The following DPP6 variants were observed in gnomAD, a reference collection of about 807,000 sequenced individuals.
DPP6 encodes the protein A-type potassium channel modulatory protein DPP6.
In DPP6, 69 loss-of-function variants were observed where a neutral mutation model predicts 122.6. That is an observed-to-expected ratio of 0.56 (90% CI 0.46 to 0.69). The LOEUF is 0.69. Ranked by LOEUF, DPP6 falls within the 30% of genes least tolerant of loss-of-function variation. The pLI is 0.00. For synonymous variants in DPP6, 418 were observed against 433.1 expected, an observed-to-expected ratio of 0.97 and a Z score of 0.43; for missense variants, 928 against 1,116.9, an observed-to-expected ratio of 0.83 and a Z score of 2.41.
At chr7:154,246,059 C>T (rs1345556843) in intron 1 of DPP6, among the ~76,000 whole-genome samples, 1 of 151,958 alleles carries the variant, frequency 6.6e-6, no homozygotes, top group Non-Finnish European at 1.5e-5. Flanking sequence ...GTCCTTTAAC[C>T]ACAAGAAAAT....
In DPP6 at chr7:154,833,492, C is replaced by T. The variant is rs56347306; in HGVS notation, c.1667-20288C>T. 0.01 allele frequency among the ~76,000 whole-genome samples: 1,579 copies of T among 152,214 alleles called. 19 individuals are homozygous for T. The highest frequency in any genetic ancestry group is 0.011 in the Non-Finnish European group (763 of 68,008). The stretch of plus-strand genomic sequence containing the variant: ...AGTAGTACCAGCCTTGTACGGCTGA[C>T]GAAGTGTAAATTATTTATTATCTGA... On this transcript the variant is annotated intron_variant, in intron 16 of 25. Coordinates refer to ENST00000377770, the MANE Select transcript of DPP6 (RefSeq NM_130797.4). This position sits in a 1 kb window ranked among gnomAD's most constrained non-coding sequence, Gnocchi z 4.3.
intron 1 of DPP6, among the ~76,000 whole-genome samples, chr7:154,210,844 A>AAAG (rs386411724): frequency 6.6e-6 from 1 of 151,692 alleles, no homozygotes. Context: ...AGGAAAAAAA[A>AAAG]AGACAAAAGA....
chr7:154,671,237 TG>T (rs1291350131), intron 7 of DPP6, among the ~76,000 whole-genome samples: 2 of 148,954 alleles, frequency 1.3e-5, no homozygotes, highest in Non-Finnish European at 3.0e-5. Context: ...AAATCATCTG[TG>T]AAAGTGGCCA....
At chr7:154,839,820 A>G (rs998568875) in intron 16 of DPP6, among the ~76,000 whole-genome samples, 2 of 152,202 alleles carry the variant, frequency 1.3e-5, no homozygotes, top group Non-Finnish European at 2.9e-5. Flanking sequence ...TCAGGTCTAC[A>G]GAGGTCTTGT....
the DPP6 span, among the ~76,000 whole-genome samples, chr7:153,812,820 C>T: frequency 1.3e-5 from 2 of 151,954 alleles, no homozygotes; most frequent in African/African-American, 4.8e-5. Context: ...AACAAATCGC[C>T]CTATGTAATC....
chr7:154,314,771 A>T (rs1005628410), intron 1 of DPP6, among the ~76,000 whole-genome samples: 2 of 152,220 alleles, frequency 1.3e-5, no homozygotes, highest in African/African-American at 4.8e-5. Flanking sequence ...CTCCAAATCA[A>T]GCAATCCTGA....
the DPP6 span, among the ~76,000 whole-genome samples, chr7:153,871,490 C>T: frequency 6.6e-6 from 1 of 152,184 alleles, no homozygotes; most frequent in Non-Finnish European, 1.5e-5. Context: ...GTTTGTTAAG[C>T]CCGTTTGGAA....
intron 20 of DPP6, among the ~76,000 whole-genome samples, chr7:154,879,861 C>T (rs1311985611): frequency 2.0e-5 from 3 of 152,166 alleles, no homozygotes; most frequent in Admixed American, 6.5e-5. Flanking sequence ...AGGGCCCCTA[C>T]ACCACTGCCT....
chr7:153,886,250 G>A (rs981209792), upstream of DPP6, among the ~76,000 whole-genome samples: 20 of 152,206 alleles, frequency 1.3e-4, 1 homozygote, highest in Admixed American at 9.8e-4. Flanking sequence ...TCCTGGGAGC[G>A]CGCATCTGTG....
At chr7:154,160,430 A>G (rs1171094583) in intron 1 of DPP6, among the ~76,000 whole-genome samples, 4 of 152,176 alleles carry the variant, frequency 2.6e-5, no homozygotes, top group African/African-American at 9.7e-5. Flanking sequence ...AAAGTAAATT[A>G]TTTTCCCCTA....
chr7:154,794,530 C>A (rs1797897761), intron 11 of DPP6, among the ~76,000 whole-genome samples: 1 of 152,204 alleles, frequency 6.6e-6, no homozygotes, highest in African/African-American at 2.4e-5. Context: ...GCGTCCTCCT[C>A]GTTGCAGCTG....
intron 1 of DPP6, chr7:154,026,235 T>G (rs1798950339): frequency 6.6e-6 from 1 of 152,036 alleles, no homozygotes; most frequent in African/African-American, 2.4e-5. Flanking sequence ...TCTGGGAAAA[T>G]TAATAGAGCC....
chr7:154,107,357 T>A, intron 1 of DPP6, among the ~76,000 whole-genome samples: 1 of 152,202 alleles, frequency 6.6e-6, no homozygotes, highest in Admixed American at 6.5e-5. Context: ...TACCACATTA[T>A]GTCACTTGTG....
chr7:154,870,146 C>CTTTT (rs61457825), intron 18 of DPP6, among the ~76,000 whole-genome samples: 15,786 of 121,332 alleles, frequency 0.13, 1,248 homozygotes, highest in East Asian at 0.44. Context: ...CCAACTAATT[C>CTTTT]TTTTTTTTTT....
intron 1 of DPP6, chr7:154,305,239 C>T (rs1806218357): frequency 1.6e-6 from 2 of 1,244,984 alleles, no homozygotes; most frequent in African/African-American, 1.5e-5. Context: ...ATTGCAGAGG[C>T]TGTTGCTAAT....
the DPP6 span, among the ~76,000 whole-genome samples, chr7:153,822,408 C>G: frequency 3.8e-3 from 577 of 152,144 alleles, 1 homozygote; most frequent in African/African-American, 0.013. Flanking sequence ...CCAGACTAGT[C>G]TCGAACTCCT....
intron 5 of DPP6, among the ~76,000 whole-genome samples, chr7:154,621,441 T>C (rs1321476770): frequency 6.6e-6 from 1 of 152,218 alleles, no homozygotes; most frequent in African/African-American, 2.4e-5. Flanking sequence ...CAATCTCAGC[T>C]CACTGCAACC....
chr7:154,433,535 C>G (rs1016578519), intron 1 of DPP6, among the ~76,000 whole-genome samples: 1 of 151,946 alleles, frequency 6.6e-6, no homozygotes, highest in Non-Finnish European at 1.5e-5. Context: ...CCCACCCTGT[C>G]CCCAGAGACT....
chr7:153,924,118 A>ATT (rs199558532), intron 1 of DPP6, among the ~76,000 whole-genome samples: 9 of 143,446 alleles, frequency 6.3e-5, no homozygotes, highest in Admixed American at 2.1e-4. Context: ...ATTATTGAGG[A>ATT]TTTTTTTTTT....
Sources: gnomAD v4.1 joint callset for allele counts (sites outside exome capture counted in the v4.1 genomes callset) on GRCh38, gnomAD v4.1.1 for gene constraint, Gnocchi (gnomAD v3.1) non-coding constraint, MANE v1.5 for transcripts, NCBI Gene and HGNC (gene_info 2026-07-23, HGNC 2026-07-21) for gene names.